Variants in MARCHF1 observed in about 807,000 individuals in gnomAD.
The protein encoded by MARCHF1 is membrane associated ring-CH-type finger 1.
A neutral mutation model predicts 54.2 loss-of-function variants in MARCHF1; 40 were observed. That is an observed-to-expected ratio of 0.74 (90% CI 0.57 to 0.96). The LOEUF is 0.96. MARCHF1 is among the 40% of genes least tolerant of loss of function. The pLI, the probability that MARCHF1 is intolerant of heterozygous loss-of-function variation, is 0.00. For synonymous variants in MARCHF1, 236 were observed against 236.3 expected, an observed-to-expected ratio of 1.00 and a Z score of 0.01; for missense variants, 586 against 656.5, an observed-to-expected ratio of 0.89 and a Z score of 1.17.
intron 2 of MARCHF1, among the ~76,000 whole-genome samples, chr4:164,038,318 C>A (rs1244129326): frequency 6.6e-6 from 1 of 152,066 alleles, no homozygotes; most frequent in African/African-American, 2.4e-5. Context: ...ACGGTGAAAT[C>A]CTGTCTCTAC....
intron 1 of MARCHF1, among the ~76,000 whole-genome samples, chr4:164,157,614 A>G (rs138413534): frequency 2.6e-5 from 4 of 152,134 alleles, no homozygotes; most frequent in Admixed American, 2.6e-4. Flanking sequence ...GGGGAGTCCT[A>G]CTTTGTCTCT....
At chr4:163,963,776 T>C (rs769569828) in intron 3 of MARCHF1, among the ~76,000 whole-genome samples, 3 of 151,904 alleles carry the variant, frequency 2.0e-5, no homozygotes, top group Admixed American at 6.6e-5. Flanking sequence ...AAGACTATTA[T>C]CCTGTGAAAA....
chr4:164,056,608 T>C (rs1754496253), intron 2 of MARCHF1, among the ~76,000 whole-genome samples: 1 of 152,172 alleles, frequency 6.6e-6, no homozygotes, highest in South Asian at 2.1e-4. Flanking sequence ...GACTTGTTCA[T>C]TTAGATTAAT....
chr4:164,257,918 A>AT (rs1211040710), intron 1 of MARCHF1, among the ~76,000 whole-genome samples: 2 of 152,328 alleles, frequency 1.3e-5, no homozygotes, highest in Non-Finnish European at 2.9e-5. Flanking sequence ...ACCCAAAGGA[A>AT]TATAAGTCAT....
intron 3 of MARCHF1, among the ~76,000 whole-genome samples, chr4:163,863,281 C>T (rs1263143008): frequency 6.6e-6 from 1 of 152,020 alleles, no homozygotes; most frequent in African/African-American, 2.4e-5. Context: ...ATGTGCTGAC[C>T]TAAGCTAAGT....
At chr4:164,095,607 CACTAATT>C (rs1236413402) in intron 2 of MARCHF1, among the ~76,000 whole-genome samples, 1 of 151,918 alleles carries the variant, frequency 6.6e-6, no homozygotes, top group African/African-American at 2.4e-5. Flanking sequence ...AAACCATAAT[CACTAATT>C]ATAGTTTCAT....
chr4:163,856,922 G>A (rs1160285373), intron 3 of MARCHF1, among the ~76,000 whole-genome samples: 1 of 151,946 alleles, frequency 6.6e-6, no homozygotes, highest in African/African-American at 2.4e-5. Flanking sequence ...GGCTGGGGCA[G>A]GAGAATTGCT....
intron 4 of MARCHF1, among the ~76,000 whole-genome samples, chr4:163,839,252 CA>C (rs1217822094): frequency 6.6e-6 from 1 of 151,902 alleles, no homozygotes; most frequent in Non-Finnish European, 1.5e-5. Context: ...TGGAAATTCT[CA>C]TACATTCCTC....
chr4:163,794,327 T>C (rs1251456613), intron 4 of MARCHF1, among the ~76,000 whole-genome samples: 1 of 152,220 alleles, frequency 6.6e-6, no homozygotes, highest in African/African-American at 2.4e-5. Flanking sequence ...TTCTAAAATA[T>C]TGCTGTTTTC....
chr4:163,694,741 A>G (rs1744567380), intron 5 of MARCHF1, among the ~76,000 whole-genome samples: 1 of 152,146 alleles, frequency 6.6e-6, no homozygotes, highest in Non-Finnish European at 1.5e-5. Flanking sequence ...GATTTGAGCT[A>G]AAAATATCTT....
At chr4:164,135,675 G>A (rs1393369978) in intron 1 of MARCHF1, among the ~76,000 whole-genome samples, 1 of 152,186 alleles carries the variant, frequency 6.6e-6, no homozygotes, top group African/African-American at 2.4e-5. Flanking sequence ...TACAATTCAA[G>A]ATGAGAATTG....
At chr4:163,870,471 C>A (rs1462738286) in intron 3 of MARCHF1, among the ~76,000 whole-genome samples, 1 of 151,744 alleles carries the variant, frequency 6.6e-6, no homozygotes, top group Non-Finnish European at 1.5e-5. Context: ...TTTTATATAC[C>A]ACAGAAAAGA....
chr4:164,223,248 C>G (rs1013997233), intron 1 of MARCHF1, among the ~76,000 whole-genome samples: 15 of 151,914 alleles, frequency 9.9e-5, no homozygotes, highest in African/African-American at 3.4e-4. Context: ...AGAGTTGAAC[C>G]AATAATGAAG....
rs1463012507 is a variant in MARCHF1, at chr4:163,733,187, A to G, written c.112-32324T>C. Among the ~76,000 whole-genome samples, 24 of 20,258 alleles carry G rather than the reference A, an allele frequency of 1.2e-3. 1 individual carries two copies. Among genetic ancestry groups the G allele is most frequent in the South Asian group, 2.3e-3 (1 of 438 alleles). 13.3% of individuals were successfully genotyped at this position (20,258 alleles called of 152,430 possible). ...TCTCTCTGTATGTGTGTATATATATATATATATATATATATATATATATAT... is the reference window on the plus strand; with the variant it reads ...TCTCTCTGTATGTGTGTATATATATGTATATATATATATATATATATATAT... On this transcript the variant is annotated intron_variant, in intron 4 of 9. Transcript: ENST00000514618.
rs569011580 is a variant in MARCHF1, at chr4:163,692,586, C to T, written c.162+8227G>A. ...GATACCACAGGGCTGGATTATGGCT[C>T]CTTGGCCCCTGAAAGAATTTATGTT... On this transcript the variant is annotated intron_variant, in intron 5 of 9. Coordinates refer to ENST00000514618, the MANE Select transcript of MARCHF1 (RefSeq NM_001394959.1). Among the ~76,000 whole-genome samples the T allele has an allele frequency of 2.4e-4, 35 of 143,230 alleles. 2 individuals carry two copies. In the South Asian group the frequency reaches 6.1e-3, roughly 25 times the overall value. 94.0% of individuals were successfully genotyped at this position (143,230 alleles called of 152,430 possible). A position where few individuals can be genotyped will look rare whatever the true frequency, so the allele number is the denominator to read the frequency against.
chr4:163,537,512 A>C lies in MARCHF1; in HGVS notation c.1339+8084T>G, dbSNP rs114729481. Among the ~76,000 whole-genome samples the C allele has an allele frequency of 6.1e-3, 923 of 152,266 alleles. 12 individuals carry two copies. Among genetic ancestry groups the C allele is most frequent in the African/African-American group, 0.021 (884 of 41,558 alleles). ...CCGATTTCGCAGAGGAATTTGGAAA[A>C]TCTAACTTAGGCAATTCAAGCATCT... is the stretch of plus-strand genomic sequence containing the variant. On this transcript the variant is annotated intron_variant, in intron 9 of 9. Transcript: ENST00000514618.
At chr4:164,279,062 T>C (rs563812957) in intron 1 of MARCHF1, among the ~76,000 whole-genome samples, 13 of 151,830 alleles carry the variant, frequency 8.6e-5, no homozygotes, top group African/African-American at 3.1e-4. Flanking sequence ...TTTAAATGAT[T>C]AGTCAAAATA....
At chr4:163,742,711 G>A (rs1398498597) in intron 4 of MARCHF1, among the ~76,000 whole-genome samples, 2 of 152,006 alleles carry the variant, frequency 1.3e-5, no homozygotes, top group Admixed American at 1.3e-4. Flanking sequence ...CTCCTAGGCT[G>A]GAATGATCCT....
intron 4 of MARCHF1, among the ~76,000 whole-genome samples, chr4:163,715,627 C>A (rs904392247): frequency 6.6e-6 from 1 of 151,994 alleles, no homozygotes; most frequent in Non-Finnish European, 1.5e-5. Context: ...ATTTTAATCT[C>A]AGTGGAAATT....
Sources: allele counts gnomAD v4.1 joint callset (sites outside exome capture counted in the v4.1 genomes callset), GRCh38; gene constraint gnomAD v4.1.1; transcripts MANE v1.5; gene names NCBI Gene and HGNC (gene_info 2026-07-23, HGNC 2026-07-21).